GRIN2A: variants seen among roughly 807,000 people sequenced by gnomAD.
GRIN2A encodes the protein glutamate ionotropic receptor NMDA type subunit 2A, also known as glutamate receptor ionotropic, NMDA 2A.
GRIN2A carries 22 observed loss-of-function variants against 113.4 expected under a neutral mutation model. The observed-to-expected ratio is 0.19, with a 90% CI of 0.14 to 0.28. The LOEUF (loss-of-function observed/expected upper bound fraction) is 0.28, where lower values mean the gene tolerates loss of function less well. Ranked by LOEUF, GRIN2A falls within the 10% of genes least tolerant of loss-of-function variation. The pLI is 1.00. For synonymous variants in GRIN2A, 827 were observed against 738.4 expected (o/e 1.12, Z -1.94); for missense variants, 1,502 against 1,887.0 (o/e 0.80, Z 3.78).
chr16:9,774,112 A>G (rs941403961), intron 11 of GRIN2A, among the ~76,000 whole-genome samples: 1 of 152,148 alleles, frequency 6.6e-6, no homozygotes, highest in Admixed American at 6.5e-5. Flanking sequence ...GGCTGTAAGA[A>G]GGCTGGTTAG....
intron 2 of GRIN2A, among the ~76,000 whole-genome samples, chr16:10,000,889 G>A (rs2046308866): frequency 6.6e-6 from 1 of 152,054 alleles, no homozygotes; most frequent in Non-Finnish European, 1.5e-5. Context: ...TACTCAAAGG[G>A]CAGATTTCAC....
intron 10 of GRIN2A, among the ~76,000 whole-genome samples, chr16:9,814,151 A>G (rs561357016): frequency 1.8e-3 from 272 of 152,322 alleles, no homozygotes; most frequent in African/African-American, 6.0e-3. Context: ...CAGATCATCA[A>G]TTAATATGAT....
chr16:10,140,370 T>G (rs2049300545), intron 2 of GRIN2A, among the ~76,000 whole-genome samples: 1 of 152,278 alleles, frequency 6.6e-6, no homozygotes, highest in Non-Finnish European at 1.5e-5. Flanking sequence ...CCCAAATCTC[T>G]TTCAAAGATT....
At chr16:9,849,310 A>AT (rs1019917379) in intron 5 of GRIN2A, among the ~76,000 whole-genome samples, 6 of 150,006 alleles carry the variant, frequency 4.0e-5, no homozygotes, top group Non-Finnish European at 8.9e-5. Flanking sequence ...ATATAAAGAT[A>AT]TTTTTTGAAT....
chr16:9,994,751 G>A (rs1011143539), intron 2 of GRIN2A, among the ~76,000 whole-genome samples: 3 of 152,176 alleles, frequency 2.0e-5, no homozygotes, highest in African/African-American at 2.4e-5. Context: ...ATGGAAAAAC[G>A]TAAGGGAGAA....
intron 3 of GRIN2A, among the ~76,000 whole-genome samples, chr16:9,927,989 G>A (rs578215138): frequency 7.2e-4 from 109 of 152,282 alleles, no homozygotes; most frequent in Non-Finnish European, 1.1e-3. Context: ...TTGGACAATG[G>A]TACACCAGAC....
At chr16:9,924,764 T>C (rs2044424098) in intron 3 of GRIN2A, among the ~76,000 whole-genome samples, 2 of 152,236 alleles carry the variant, frequency 1.3e-5, no homozygotes, top group South Asian at 4.1e-4. Flanking sequence ...GTTTTCAAGT[T>C]CACTGATTTT....
At chr16:9,797,412 G>A (rs866688504) in intron 11 of GRIN2A, among the ~76,000 whole-genome samples, 15 of 152,194 alleles carry the variant, frequency 9.9e-5, no homozygotes, top group Non-Finnish European at 1.8e-4. Context: ...GAAACCCCGG[G>A]CTATAGTGAG....
At position 10,180,319 on chromosome 16, in the gene GRIN2A, G is replaced by A. The variant is rs2050239741; in HGVS notation, c.93C>T (p.Pro31=). Residue 31 remains proline (P), a synonymous_variant, in exon 2 of 13, where the codon CCC becomes CCT. Transcript: ENST00000330684. This position sits in a 1 kb window ranked among gnomAD's most constrained non-coding sequence, Gnocchi z 7.0. ...GCATCACCGCAATATTTAGCGCGGG[G>A]GGACCCTTCTCCGCCGCCGCGCTCG... is the stretch of plus-strand genomic sequence containing the variant. ...PAPSAAAEKG[P]PALNIAVMLG... 21 of 1,610,774 alleles carry A rather than the reference G, an allele frequency of 1.3e-5. No individual in the cohort carries two copies. The highest frequency in any genetic ancestry group is 1.7e-5 in the Admixed American group (1 of 60,000).
chr16:10,051,557 TGGAA>T (rs1453626469), intron 2 of GRIN2A, among the ~76,000 whole-genome samples: 1 of 152,188 alleles, frequency 6.6e-6, no homozygotes, highest in Non-Finnish European at 1.5e-5. Context: ...TATACAAAGC[TGGAA>T]GGAATTAATT....
chr16:10,061,739 T>C (rs181796355), intron 2 of GRIN2A, among the ~76,000 whole-genome samples: 257 of 152,266 alleles, frequency 1.7e-3, no homozygotes, highest in African/African-American at 5.5e-3. Flanking sequence ...ATAGAACATG[T>C]TGGAAAGTGG....
chr16:9,860,767 G>T (rs1013921787), intron 4 of GRIN2A, among the ~76,000 whole-genome samples: 24 of 152,092 alleles, frequency 1.6e-4, no homozygotes, highest in African/African-American at 5.8e-4. Context: ...AAAAGAGATG[G>T]GCTGTAGGGG....
At chr16:10,068,344 C>T (rs2047688075) in intron 2 of GRIN2A, among the ~76,000 whole-genome samples, 1 of 152,188 alleles carries the variant, frequency 6.6e-6, no homozygotes, top group Non-Finnish European at 1.5e-5. Flanking sequence ...GTTCTGCAGG[C>T]TTTACAGGAA....
intron 2 of GRIN2A, among the ~76,000 whole-genome samples, chr16:10,127,711 G>A (rs1310717164): frequency 1.3e-5 from 2 of 152,190 alleles, no homozygotes; most frequent in Admixed American, 6.5e-5. Context: ...TGGAATTGAT[G>A]GATGAATTCA....
chr16:9,882,012 G>T (rs1244843539), intron 4 of GRIN2A, among the ~76,000 whole-genome samples: 1 of 152,056 alleles, frequency 6.6e-6, no homozygotes, highest in African/African-American at 2.4e-5. Context: ...CTGGCTGGAT[G>T]AACTTTTTTG....
chr16:10,179,893 C>CCCCAAAAAA, intron 2 of GRIN2A, 105 bp downstream of exon 2: 1 of 719,818 alleles, frequency 1.4e-6, no homozygotes, highest in Non-Finnish European at 2.4e-6. Flanking sequence ...CCCCCACCCC[C>CCCCAAAAAA]ACTTCACATC....
chr16:9,840,602 A>G lies in GRIN2A; in HGVS notation c.1651+45T>C, dbSNP rs773521380. The G allele has an allele frequency of 5.1e-6, 8 of 1,576,818 alleles. No individual in the cohort carries two copies. The African/African-American group carries it at 9.4e-5, about 19-fold the overall frequency. On this transcript the variant is annotated intron_variant, in intron 7 of 12. Transcript: ENST00000330684. ...ATCCTCTGAGCAAACAAGATTTCCT[A>G]CAATTCCTTATAGGAAAGCAATAGT...
intron 2 of GRIN2A, among the ~76,000 whole-genome samples, chr16:10,116,360 G>A (rs1038098328): frequency 6.6e-6 from 1 of 152,192 alleles, no homozygotes; most frequent in Admixed American, 6.5e-5. Context: ...TAATGCATAT[G>A]GGGCTTAATA....
At chr16:10,083,769 C>A (rs1359299780) in intron 2 of GRIN2A, among the ~76,000 whole-genome samples, 1 of 152,184 alleles carries the variant, frequency 6.6e-6, no homozygotes, top group African/African-American at 2.4e-5. Context: ...CCCAGCATGG[C>A]CTGTGCTCAG....
Sources: allele counts gnomAD v4.1 joint callset (sites outside exome capture counted in the v4.1 genomes callset), GRCh38; gene constraint gnomAD v4.1.1; non-coding constraint Gnocchi (gnomAD v3.1); transcripts MANE v1.5; gene names NCBI Gene and HGNC (gene_info 2026-07-23, HGNC 2026-07-21).